The following ERC1 variants were observed in gnomAD, a reference collection of about 807,000 sequenced individuals.
ERC1 encodes ELKS/RAB6-interacting/CAST family member 1.
In ERC1, 56 loss-of-function variants were observed where a neutral mutation model predicts 132.0. That is an observed-to-expected ratio of 0.42 (90% CI 0.34 to 0.53). The LOEUF (loss-of-function observed/expected upper bound fraction) is 0.53. Ranked by LOEUF, ERC1 falls within the 20% of genes least tolerant of loss-of-function variation. ERC1 has a pLI of 0.03. For missense variants in ERC1, 1,202 were observed against 1,349.9 expected (o/e 0.89, Z 1.72); for synonymous variants, 478 against 476.1 (o/e 1.00, Z -0.05).
intron 8 of ERC1, among the ~76,000 whole-genome samples, chr12:1,150,091 A>C (rs1950704012): frequency 6.6e-6 from 1 of 152,236 alleles, no homozygotes; most frequent in Admixed American, 6.5e-5. Context: ...GCATTCTGGC[A>C]TGGGATAAGA....
At chr12:1,249,759 C>T (rs886432690) in intron 13 of ERC1, among the ~76,000 whole-genome samples, 1 of 152,180 alleles carries the variant, frequency 6.6e-6, no homozygotes, top group African/African-American at 2.4e-5. Flanking sequence ...TTATTTCTCA[C>T]AGTTCTGTGC....
chr12:998,359 C>G (rs149739621), intron 1 of ERC1: 3 of 152,240 alleles, frequency 2.0e-5, no homozygotes, highest in African/African-American at 7.2e-5. Flanking sequence ...CAGTTGGCAC[C>G]TATGATTCAG....
At chr12:1,160,228 C>T (rs1593828323) in intron 8 of ERC1, among the ~76,000 whole-genome samples, 1 of 152,210 alleles carries the variant, frequency 6.6e-6, no homozygotes, top group African/African-American at 2.4e-5. Context: ...TTCGTATAGA[C>T]AATAAAATGT....
chr12:1,019,820 T>C (rs1448272628), intron 1 of ERC1, among the ~76,000 whole-genome samples: 1 of 152,168 alleles, frequency 6.6e-6, no homozygotes, highest in East Asian at 1.9e-4. Flanking sequence ...TGGCTCACTG[T>C]AGCCATGAAC....
intron 2 of ERC1, among the ~76,000 whole-genome samples, chr12:1,057,894 T>A (rs1217755036): frequency 6.6e-6 from 1 of 152,120 alleles, no homozygotes; most frequent in African/African-American, 2.4e-5. Flanking sequence ...GCACCCGGCC[T>A]AAAATTTTTT....
intron 16 of ERC1, among the ~76,000 whole-genome samples, chr12:1,405,529 C>T (rs1205569071): frequency 2.6e-5 from 4 of 151,842 alleles, no homozygotes; most frequent in African/African-American, 9.7e-5. Flanking sequence ...CATAGTGAAA[C>T]CCATCTCTGT....
At chr12:1,423,817 A>G (rs1286247049) in intron 17 of ERC1, among the ~76,000 whole-genome samples, 1 of 152,286 alleles carries the variant, frequency 6.6e-6, no homozygotes, top group South Asian at 2.1e-4. Flanking sequence ...CCTTCTTACC[A>G]CTGTGAAACA....
At chr12:1,235,431 A>G (rs887199569) in intron 12 of ERC1, among the ~76,000 whole-genome samples, 6 of 152,270 alleles carry the variant, frequency 3.9e-5, no homozygotes, top group African/African-American at 1.4e-4. Context: ...AAATACTTAC[A>G]TAACATATAA....
chr12:1,119,994 TA>T (rs1428312193), intron 7 of ERC1, among the ~76,000 whole-genome samples: 2 of 152,108 alleles, frequency 1.3e-5, no homozygotes, highest in African/African-American at 2.4e-5. Flanking sequence ...ATTAATTTAT[TA>T]TTTTTTTTTT....
At chr12:1,236,711 A>G (rs2075437141) in intron 12 of ERC1, 58 bp from the exon 13 acceptor site, 2 of 1,532,616 alleles carry the variant, frequency 1.3e-6, no homozygotes, top group African/African-American at 1.4e-5. Flanking sequence ...CTCTAGATAA[A>G]CATATTTGTT....
At chr12:1,281,912 G>A (rs560939147) in intron 14 of ERC1, among the ~76,000 whole-genome samples, 1 of 152,216 alleles carries the variant, frequency 6.6e-6, no homozygotes, top group South Asian at 2.1e-4. Flanking sequence ...CATAGCAGCA[G>A]GGGGATGTTT....
intron 12 of ERC1, among the ~76,000 whole-genome samples, chr12:1,229,789 C>G (rs1000110271): frequency 6.6e-6 from 1 of 151,914 alleles, no homozygotes; most frequent in African/African-American, 2.4e-5. Flanking sequence ...TTTCTGGTCT[C>G]CCATTTATTT....
chr12:1,144,091 C>T (rs989881819), intron 8 of ERC1, among the ~76,000 whole-genome samples: 2 of 151,956 alleles, frequency 1.3e-5, no homozygotes. Context: ...TTCTGTGTAC[C>T]ACACTACATG....
intron 2 of ERC1, among the ~76,000 whole-genome samples, chr12:1,067,543 C>T (rs1363587828): frequency 1.3e-5 from 2 of 152,172 alleles, no homozygotes; most frequent in Admixed American, 1.3e-4. Context: ...GGAAGTGGAT[C>T]TCTGAGCGCA....
At chr12:1,081,039 A>T (rs1268804530) in intron 2 of ERC1, among the ~76,000 whole-genome samples, 1 of 152,202 alleles carries the variant, frequency 6.6e-6, no homozygotes, top group African/African-American at 2.4e-5. Context: ...AAATGTCATA[A>T]CTAGTCAGCG....
intron 8 of ERC1, among the ~76,000 whole-genome samples, chr12:1,168,415 C>A (rs1952668769): frequency 6.6e-6 from 1 of 151,648 alleles, no homozygotes; most frequent in Admixed American, 6.6e-5. Flanking sequence ...TGAGCCACTG[C>A]ACTGGCCAAA....
intron 16 of ERC1, among the ~76,000 whole-genome samples, chr12:1,402,614 AACACACAC>A (rs56777839): frequency 1.4e-5 from 2 of 144,894 alleles, no homozygotes. Context: ...TGTAACCCCC[AACACACAC>A]ACACACACAC....
intron 12 of ERC1, among the ~76,000 whole-genome samples, chr12:1,222,601 AATT>A (rs1959095433): frequency 6.6e-6 from 1 of 152,130 alleles, no homozygotes; most frequent in Admixed American, 6.5e-5. Context: ...TTTTATTTTT[AATT>A]ATTGTCTATT....
chr12:1,274,480 T>TTTTATTTTATTTA (rs1555340356), intron 14 of ERC1, among the ~76,000 whole-genome samples: 1 of 150,136 alleles, frequency 6.7e-6, no homozygotes, highest in Non-Finnish European at 1.5e-5. Context: ...TTTTATTTTA[T>TTTTATTTTATTTA]TTTATTTATT....
Sources: allele counts gnomAD v4.1 joint callset (sites outside exome capture counted in the v4.1 genomes callset), GRCh38; gene constraint gnomAD v4.1.1; transcripts MANE v1.5; gene names NCBI Gene and HGNC (gene_info 2026-07-23, HGNC 2026-07-21).